CDIN1: variants seen among roughly 807,000 people sequenced by gnomAD.
CDIN1 encodes CDAN1 interacting nuclease 1.
A neutral mutation model predicts 45.3 loss-of-function variants in CDIN1; 33 were observed. The observed-to-expected ratio is 0.73, with a 90% CI of 0.55 to 0.97. CDIN1 has a LOEUF of 0.97. CDIN1 is among the 50% of genes least tolerant of loss of function. The pLI is 0.00. For missense variants in CDIN1, 303 were observed against 339.4 expected (o/e 0.89, Z 0.84); for synonymous variants, 118 against 124.4 (o/e 0.95, Z 0.34).
At chr15:36,580,543 T>C (rs2036994391) in intron 1 of CDIN1, among the ~76,000 whole-genome samples, 1 of 152,232 alleles carries the variant, frequency 6.6e-6, no homozygotes, top group African/African-American at 2.4e-5. Context: ...AGTTTCTCCA[T>C]ATATGTTATG....
In CDIN1 at chr15:36,579,865, T is replaced by C; in HGVS notation, c.5T>C (p.Ile2Thr). Residue 2 changes from isoleucine to threonine, a missense_variant, in exon 1 of 11, where the codon ATA becomes ACA. Physicochemically the swap from Ile to Thr is moderately conservative, Grantham distance 89. Coordinates refer to ENST00000566621, the MANE Select transcript of CDIN1 (RefSeq NM_001321759.2). ...CCTCCTGGTCCCTGGCCCAACATGA[T>C]ACTGACCAAAGCTCAGTACGACGAG... M[I>T]LTKAQYDEIA... 1 of 1,613,596 alleles carries C rather than the reference T, an allele frequency of 6.2e-7. No individual in the cohort carries two copies. The highest frequency in any genetic ancestry group is 8.5e-7 in the Non-Finnish European group (1 of 1,179,718).
At chr15:36,797,656 T>A (rs554341349) in intron 10 of CDIN1, among the ~76,000 whole-genome samples, 3 of 138,432 alleles carry the variant, frequency 2.2e-5, no homozygotes, top group South Asian at 4.6e-4. Flanking sequence ...CTTGGACATA[T>A]TTTTAAGGCT....
intron 1 of CDIN1, among the ~76,000 whole-genome samples, chr15:36,601,960 G>A (rs1366243046): frequency 6.6e-6 from 1 of 152,166 alleles, no homozygotes; most frequent in Non-Finnish European, 1.5e-5. Context: ...ATCGATAGCA[G>A]CTCTCAATTT....
intron 1 of CDIN1, among the ~76,000 whole-genome samples, chr15:36,599,207 C>G (rs1475461226): frequency 6.6e-6 from 1 of 151,826 alleles, no homozygotes; most frequent in Non-Finnish European, 1.5e-5. Context: ...CTCCCACTCT[C>G]TGGGCCAAGA....
At chr15:36,640,623 G>A in intron 1 of CDIN1, 1 of 985,376 alleles carries the variant, frequency 1.0e-6, no homozygotes, top group South Asian at 4.7e-5. Context: ...TACTCAAGAA[G>A]AGGAGGAACA....
At chr15:36,773,437 T>G (rs2054130753) in intron 10 of CDIN1, among the ~76,000 whole-genome samples, 1 of 152,244 alleles carries the variant, frequency 6.6e-6, no homozygotes, top group African/African-American at 2.4e-5. Flanking sequence ...ATTGTAATTG[T>G]ATTAGTTATT....
chr15:36,777,536 T>A (rs1334634941), intron 10 of CDIN1, among the ~76,000 whole-genome samples: 1 of 152,134 alleles, frequency 6.6e-6, no homozygotes, highest in African/African-American at 2.4e-5. Context: ...GGACATCTAA[T>A]CAACATTCAG....
intron 10 of CDIN1, among the ~76,000 whole-genome samples, chr15:36,725,275 T>G (rs538980920): frequency 6.6e-6 from 1 of 152,004 alleles, no homozygotes; most frequent in African/African-American, 2.4e-5. Context: ...ATTAAATCAT[T>G]TAAATAGATA....
intron 1 of CDIN1, among the ~76,000 whole-genome samples, chr15:36,610,205 C>T (rs1391017488): frequency 6.6e-6 from 1 of 152,180 alleles, no homozygotes; most frequent in Non-Finnish European, 1.5e-5. Context: ...CATCAAAGCA[C>T]AGGGATAATT....
chr15:36,746,517 T>C (rs533172629), intron 10 of CDIN1, among the ~76,000 whole-genome samples: 1 of 152,262 alleles, frequency 6.6e-6, no homozygotes, highest in East Asian at 1.9e-4. Flanking sequence ...GTGTCCAACT[T>C]ATTTGCACCA....
intron 10 of CDIN1, among the ~76,000 whole-genome samples, chr15:36,784,708 T>C (rs540499904): frequency 3.3e-5 from 5 of 152,134 alleles, no homozygotes; most frequent in African/African-American, 9.7e-5. Context: ...TATCCAATCT[T>C]ATCTCTTTTT....
Position 36,610,332 on chromosome 15 carries a change from T to G in CDIN1, c.101+30371T>G, listed in dbSNP as rs146760852. On this transcript the variant is annotated intron_variant, in intron 1 of 10. Coordinates refer to ENST00000566621, the MANE Select transcript of CDIN1 (RefSeq NM_001321759.2). ...CTCTTGTCACTTTGCTTCTTTTAAG[T>G]GACTTAAGCAAGGTAGATTCTTAAA... is the stretch of plus-strand genomic sequence containing the variant. Among the ~76,000 whole-genome samples, 1,489 of 152,346 alleles carry G rather than the reference T, an allele frequency of 9.8e-3. 33 individuals carry two copies. The highest frequency in any genetic ancestry group is 0.034 in the African/African-American group (1,412 of 41,574).
At chr15:36,754,605 A>G (rs1452535808) in intron 10 of CDIN1, among the ~76,000 whole-genome samples, 1 of 150,986 alleles carries the variant, frequency 6.6e-6, no homozygotes, top group Non-Finnish European at 1.5e-5. Flanking sequence ...AAGGGAATAT[A>G]TAACTTCAGA....
chr15:36,711,689 A>G (rs1263328445), intron 10 of CDIN1, among the ~76,000 whole-genome samples: 1 of 152,190 alleles, frequency 6.6e-6, no homozygotes, highest in Admixed American at 6.5e-5. Context: ...TAATTCATTT[A>G]GGGCATGATG....
At chr15:36,781,517 A>G (rs1282690928) in intron 10 of CDIN1, among the ~76,000 whole-genome samples, 1 of 150,474 alleles carries the variant, frequency 6.6e-6, no homozygotes, top group Non-Finnish European at 1.5e-5. Flanking sequence ...CATGGTATGC[A>G]CATCCAAAGA....
intron 3 of CDIN1, among the ~76,000 whole-genome samples, chr15:36,651,032 C>A (rs1952066732): frequency 6.6e-6 from 1 of 151,518 alleles, no homozygotes; most frequent in African/African-American, 2.4e-5. Flanking sequence ...CACTGCACTC[C>A]AGCCTGGGTG....
At chr15:36,653,650 G>T (rs2040662764) in intron 3 of CDIN1, among the ~76,000 whole-genome samples, 1 of 152,106 alleles carries the variant, frequency 6.6e-6, no homozygotes, top group Admixed American at 6.6e-5. Context: ...TGACATGTCT[G>T]TTCCATCGTT....
intron 1 of CDIN1, chr15:36,594,809 G>A: frequency 2.8e-6 from 2 of 721,148 alleles, no homozygotes; most frequent in Non-Finnish European, 1.6e-6. Flanking sequence ...TGGGAGTCCG[G>A]CACTTAAAAT....
chr15:36,762,635 C>T (rs1302626673), intron 10 of CDIN1, among the ~76,000 whole-genome samples: 2 of 150,816 alleles, frequency 1.3e-5, no homozygotes, highest in South Asian at 4.2e-4. Context: ...TAATGCTATC[C>T]CTCCCCACTC....
Sources: gnomAD v4.1 joint callset for allele counts (sites outside exome capture counted in the v4.1 genomes callset) on GRCh38, gnomAD v4.1.1 for gene constraint, MANE v1.5 for transcripts, NCBI Gene and HGNC (gene_info 2026-07-23, HGNC 2026-07-21) for gene names.